The following SMOC2 variants were observed in gnomAD, a reference collection of about 807,000 sequenced individuals.
SMOC2 encodes the protein SPARC related modular calcium binding 2.
A neutral mutation model predicts 61.4 loss-of-function variants in SMOC2; 39 were observed. That is an observed-to-expected ratio of 0.64 (90% CI 0.49 to 0.83). SMOC2 has a LOEUF of 0.83. SMOC2 is among the 40% of genes least tolerant of loss of function. The probability of loss-of-function intolerance (pLI) is 0.00; values close to 1 mark genes in which losing one functional copy is unlikely to be tolerated. For synonymous variants in SMOC2, 247 were observed against 239.9 expected, an observed-to-expected ratio of 1.03 and a Z score of -0.27; for missense variants, 556 against 592.9, an observed-to-expected ratio of 0.94 and a Z score of 0.65.
chr6:168,523,066 T>C (rs1258265334), intron 2 of SMOC2, among the ~76,000 whole-genome samples: 2 of 147,512 alleles, frequency 1.4e-5, no homozygotes, highest in Admixed American at 6.9e-5. Flanking sequence ...ATGTTATTTG[T>C]AGTTGTACAG....
chr6:168,592,210 C>G (rs1310941129), intron 7 of SMOC2, among the ~76,000 whole-genome samples: 2 of 152,234 alleles, frequency 1.3e-5, no homozygotes, highest in Non-Finnish European at 2.9e-5. Flanking sequence ...TTCTCTCAAT[C>G]TTCAGTTTCA....
chr6:168,574,406 C>A (rs1028778010), intron 7 of SMOC2, among the ~76,000 whole-genome samples: 3 of 152,318 alleles, frequency 2.0e-5, no homozygotes, highest in Middle Eastern at 3.4e-3. Flanking sequence ...CGGCGCAGAT[C>A]CTGTGGGCAG....
intron 4 of SMOC2, among the ~76,000 whole-genome samples, chr6:168,530,647 C>T (rs5003636): frequency 6.8e-5 from 9 of 133,090 alleles, no homozygotes; most frequent in African/African-American, 1.1e-4. Context: ...ACCCCCCCCC[C>T]CCCGCCCCCA....
At chr6:168,603,010 A>G (rs969801756) in intron 8 of SMOC2, among the ~76,000 whole-genome samples, 4 of 152,104 alleles carry the variant, frequency 2.6e-5, no homozygotes, top group African/African-American at 9.7e-5. Flanking sequence ...GGAGGGACCT[A>G]CCCTGTGGGA....
intron 1 of SMOC2, among the ~76,000 whole-genome samples, chr6:168,506,332 G>C (rs912740672): frequency 3.3e-5 from 5 of 152,124 alleles, no homozygotes; most frequent in Non-Finnish European, 5.9e-5. Context: ...CACTGCACCT[G>C]GCCTTGCAAA....
chr6:168,624,992 G>C (rs1352937386), intron 9 of SMOC2, among the ~76,000 whole-genome samples: 1 of 152,018 alleles, frequency 6.6e-6, no homozygotes, highest in Non-Finnish European at 1.5e-5. Flanking sequence ...ACCACCAGCA[G>C]CACCATCTGG....
chr6:168,545,820 G>A (rs566350820), intron 5 of SMOC2, among the ~76,000 whole-genome samples: 34 of 152,310 alleles, frequency 2.2e-4, no homozygotes, highest in African/African-American at 7.0e-4. Context: ...GTATTTGATT[G>A]TCCTCATTCC....
intron 8 of SMOC2, among the ~76,000 whole-genome samples, chr6:168,600,422 C>CAAAAAAAAAAA (rs1299567047): frequency 7.7e-5 from 2 of 25,926 alleles, no homozygotes; most frequent in Non-Finnish European, 9.2e-5. Context: ...AAAAAAAAAA[C>CAAAAAAAAAAA]AAAAAAAAAA....
intron 5 of SMOC2, among the ~76,000 whole-genome samples, chr6:168,546,274 AAAAGG>A (rs1783996471): frequency 7.1e-6 from 1 of 140,574 alleles, no homozygotes; most frequent in African/African-American, 3.1e-5. Context: ...AAAAAAAAAA[AAAAGG>A]ATGATCCTGA....
intron 6 of SMOC2, 60 bp from the exon 7 acceptor site, chr6:168,549,069 A>G: frequency 7.2e-7 from 1 of 1,395,882 alleles, no homozygotes; most frequent in Non-Finnish European, 1.0e-6. Flanking sequence ...CTGCGTAACT[A>G]AGGAACATTG....
At position 168,600,416 on chromosome 6, in the gene SMOC2, AAAAAACAAAAAAAAAAAC is replaced by A. The variant is rs1340987217; in HGVS notation, c.824+1418_824+1435del. On this transcript the variant is annotated intron_variant, in intron 8 of 12. Coordinates refer to ENST00000356284, the MANE Select transcript of SMOC2 (RefSeq NM_001166412.2). ...GAGCGAAACTCTGCCTCAAAAAAAA[AAAAAACAAAAAAAAAAAC>A]AAAAAAAAAAACAGTAGTTTCAACT... Among the ~76,000 whole-genome samples, 5 of 22,902 alleles carry A rather than the reference AAAAAACAAAAAAAAAAAC, an allele frequency of 2.2e-4. 1 individual carries two copies. The highest frequency in any genetic ancestry group is 5.5e-4 in the Non-Finnish European group (5 of 9,038). The allele number at this position is 22,902 out of a possible 152,430, so 15.0% of individuals were successfully genotyped here. A position where few individuals can be genotyped will look rare whatever the true frequency, so the allele number is the denominator to read the frequency against.
intron 1 of SMOC2, among the ~76,000 whole-genome samples, chr6:168,450,467 G>A (rs1211641906): frequency 6.6e-6 from 1 of 152,202 alleles, no homozygotes; most frequent in Non-Finnish European, 1.5e-5. Flanking sequence ...TAAACAAGAT[G>A]CTTAGGTTGT....
intron 11 of SMOC2, among the ~76,000 whole-genome samples, chr6:168,663,158 A>C (rs144418748): frequency 2.6e-5 from 4 of 152,234 alleles, no homozygotes; most frequent in Middle Eastern, 3.4e-3. Flanking sequence ...GGGTGAAGAT[A>C]GGAAAGGGAT....
chr6:168,608,568 C>G, intron 9 of SMOC2, among the ~76,000 whole-genome samples: 1 of 152,358 alleles, frequency 6.6e-6, no homozygotes, highest in East Asian at 1.9e-4. Flanking sequence ...CCCAAAGAAC[C>G]CTTTATTCAT....
chr6:168,469,539 G>C (rs1301877945), intron 1 of SMOC2, among the ~76,000 whole-genome samples: 1 of 152,184 alleles, frequency 6.6e-6, no homozygotes, highest in Non-Finnish European at 1.5e-5. Context: ...AAATCTTTCT[G>C]TTCGTAAATG....
intron 12 of SMOC2, among the ~76,000 whole-genome samples, chr6:168,665,383 C>T (rs1787636753): frequency 6.6e-6 from 1 of 152,260 alleles, no homozygotes; most frequent in Admixed American, 6.5e-5. Context: ...GGCAAGCCAG[C>T]TGCGGCTCCT....
Position 168,606,859 on chromosome 6 carries a change from G to A in SMOC2, c.825-1298G>A, listed in dbSNP as rs564789809. Among the ~76,000 whole-genome samples, 135 of 152,190 alleles carry A rather than the reference G, an allele frequency of 8.9e-4. 1 individual carries two copies. Among genetic ancestry groups the A allele is most frequent in the Middle Eastern group, 6.8e-3 (2 of 294 alleles). On this transcript the variant is annotated intron_variant, in intron 8 of 12. Transcript: ENST00000356284. Reference sequence around the variant, plus strand: ...CCATGATGGTGTTGGCGGGCACTGCGTCTCCCAGTGTGTCACTTGCCAGGG... The same window carrying A: ...CCATGATGGTGTTGGCGGGCACTGCATCTCCCAGTGTGTCACTTGCCAGGG...
rs73254717 is a variant in SMOC2, at chr6:168,508,435, C to T, written c.85-1480C>T. Among the ~76,000 whole-genome samples the T allele has an allele frequency of 1.7e-3, 264 of 152,256 alleles. 2 individuals carry two copies. Among genetic ancestry groups the T allele is most frequent in the African/African-American group, 6.0e-3 (249 of 41,550 alleles). Reference sequence around the variant, plus strand: ...ATAATATAAAAGTGAGTGCAATTTCCACAGCCAGCCTTGCCGAGTTAGCTC... The same window carrying T: ...ATAATATAAAAGTGAGTGCAATTTCTACAGCCAGCCTTGCCGAGTTAGCTC... On this transcript the variant is annotated intron_variant, in intron 1 of 12. Transcript: ENST00000356284.
chr6:168,518,358 G>GA lies in SMOC2; in HGVS notation c.257-7986dup, dbSNP rs1783200311. Among the ~76,000 whole-genome samples, 6 of 150,870 alleles carry GA rather than the reference G, an allele frequency of 4.0e-5. No individual in the cohort carries two copies. In the South Asian group the frequency reaches 1.3e-3, roughly 32 times the overall value. ...GCCTGAGGTGTGTGTGCGTGAGTGC[G>GA]AATGTGTGTTCATGTGCATTGTGTG... On this transcript the variant is annotated intron_variant, in intron 2 of 12. Coordinates refer to ENST00000356284, the MANE Select transcript of SMOC2 (RefSeq NM_001166412.2).
Sources: allele counts gnomAD v4.1 joint callset (sites outside exome capture counted in the v4.1 genomes callset), GRCh38; gene constraint gnomAD v4.1.1; transcripts MANE v1.5; gene names NCBI Gene and HGNC (gene_info 2026-07-23, HGNC 2026-07-21).